The following ADAMTS12 variants were observed in gnomAD, a reference collection of about 807,000 sequenced individuals.
ADAMTS12 encodes ADAM metallopeptidase with thrombospondin type 1 motif 12.
A neutral mutation model predicts 167.8 loss-of-function variants in ADAMTS12; 118 were observed. The ratio of observed to expected loss-of-function variants is 0.70; its 90% CI spans 0.61 to 0.82. The LOEUF (loss-of-function observed/expected upper bound fraction) is 0.82, where lower values mean the gene tolerates loss of function less well. Among genes scored for constraint, ADAMTS12 ranks in the 40% least tolerant of loss-of-function variants. The pLI is 0.00. For synonymous variants in ADAMTS12, 704 were observed against 716.9 expected (o/e 0.98, Z 0.29); for missense variants, 1,916 against 1,998.8 (o/e 0.96, Z 0.79).
chr5:33,727,539 T>G (rs1414928016), intron 3 of ADAMTS12, among the ~76,000 whole-genome samples: 1 of 152,240 alleles, frequency 6.6e-6, no homozygotes, highest in Admixed American at 6.5e-5. Context: ...GGGCTTCAAC[T>G]GTTGTAAACA....
chr5:33,760,059 G>A (rs1315648063), intron 2 of ADAMTS12, among the ~76,000 whole-genome samples: 1 of 152,158 alleles, frequency 6.6e-6, no homozygotes, highest in East Asian at 1.9e-4. Context: ...TGAGACCCGG[G>A]AATCTGCACT....
chr5:33,593,124 A>G (rs1295453455), intron 17 of ADAMTS12, among the ~76,000 whole-genome samples: 2 of 152,148 alleles, frequency 1.3e-5, no homozygotes, highest in African/African-American at 4.8e-5. Flanking sequence ...TAAAAATACA[A>G]AAATTAGCCA....
At chr5:33,833,246 A>G (rs1198967449) in intron 2 of ADAMTS12, among the ~76,000 whole-genome samples, 1 of 152,186 alleles carries the variant, frequency 6.6e-6, no homozygotes, top group African/African-American at 2.4e-5. Context: ...GCATAACAGT[A>G]TTTGCTTTTT....
At chr5:33,843,446 G>A (rs905255268) in intron 2 of ADAMTS12, among the ~76,000 whole-genome samples, 6 of 152,184 alleles carry the variant, frequency 3.9e-5, no homozygotes, top group Non-Finnish European at 5.9e-5. Flanking sequence ...GTAGTGAGTA[G>A]CCAGCACAGA....
chr5:33,568,619 G>T (rs1428615932), intron 19 of ADAMTS12, among the ~76,000 whole-genome samples: 1 of 152,154 alleles, frequency 6.6e-6, no homozygotes, highest in African/African-American at 2.4e-5. Context: ...TACTCATCAG[G>T]ACCACGAAAA....
At chr5:33,703,545 ACCTCCCCATTTCTT>A (rs1230268734) in intron 3 of ADAMTS12, among the ~76,000 whole-genome samples, 1 of 151,556 alleles carries the variant, frequency 6.6e-6, no homozygotes, top group Non-Finnish European at 1.5e-5. Flanking sequence ...TTTGACTAAC[ACCTCCCCATTTCTT>A]CCTCCCCCCA....
chr5:33,763,577 G>T (rs1745430156), intron 2 of ADAMTS12, among the ~76,000 whole-genome samples: 2 of 152,214 alleles, frequency 1.3e-5, no homozygotes, highest in Admixed American at 6.5e-5. Context: ...ACCCTAGGGG[G>T]TGGTCATGGA....
chr5:33,886,364 A>C (rs1320637016), intron 1 of ADAMTS12, among the ~76,000 whole-genome samples: 1 of 152,204 alleles, frequency 6.6e-6, no homozygotes, highest in Non-Finnish European at 1.5e-5. Context: ...CAATACTCAC[A>C]ACAACCCTGT....
intron 3 of ADAMTS12, among the ~76,000 whole-genome samples, chr5:33,734,829 G>A (rs943381097): frequency 6.6e-6 from 1 of 152,180 alleles, no homozygotes; most frequent in African/African-American, 2.4e-5. Flanking sequence ...ATGTTCCAGA[G>A]CCTGGCTGAA....
Position 33,637,723 on chromosome 5 carries a change from C to A in ADAMTS12, c.1742G>T (p.Cys581Phe), listed in dbSNP as rs778996197. The change falls in exon 12 of 24, where the codon TGC (cysteine) becomes TTC (phenylalanine). Residue 581 changes from cysteine to phenylalanine, a missense_variant. Cys to Phe is a radical substitution (Grantham distance 205). Coordinates refer to ENST00000504830, the MANE Select transcript of ADAMTS12 (RefSeq NM_030955.4). ...GCGATAGCGTTTTCTTTCTCCAGTGCAATATTTCCCTCCAAACTTTGGCCT... is the reference window on the plus strand; with the variant it reads ...GCGATAGCGTTTTCTTTCTCCAGTGAAATATTTCCCTCCAAACTTTGGCCT... Reference protein sequence around the residue: ...NPEPKFGGKYCTGERKRYRLC... With the variant: ...NPEPKFGGKYFTGERKRYRLC... The A allele has an allele frequency of 6.2e-7, 1 of 1,613,180 alleles. No homozygotes were observed. The highest frequency in any genetic ancestry group is 1.1e-5 in the South Asian group (1 of 90,978).
intron 5 of ADAMTS12, among the ~76,000 whole-genome samples, chr5:33,666,497 C>A: frequency 8.4e-6 from 1 of 118,930 alleles, no homozygotes; most frequent in Admixed American, 1.0e-4. Context: ...CATACAGGGT[C>A]TTTTTTTTTC....
At chr5:33,649,114 C>A (rs559206415) in intron 8 of ADAMTS12, 148 bp from the exon 9 acceptor site, 2 of 888,634 alleles carry the variant, frequency 2.3e-6, no homozygotes, top group South Asian at 3.9e-5. Context: ...CTAGGCCCAT[C>A]ATGGGAGTTA....
chr5:33,573,381 G>A (rs1417796990), intron 19 of ADAMTS12, among the ~76,000 whole-genome samples: 3 of 152,210 alleles, frequency 2.0e-5, no homozygotes, highest in Middle Eastern at 6.8e-3. Flanking sequence ...AAAACAGCAT[G>A]GTACTGGTAC....
intron 2 of ADAMTS12, among the ~76,000 whole-genome samples, chr5:33,860,752 T>C (rs570415287): frequency 6.6e-6 from 1 of 152,124 alleles, no homozygotes; most frequent in African/African-American, 2.4e-5. Flanking sequence ...AATCTTCATT[T>C]TAACCTTAAT....
At chr5:33,826,545 A>T (rs1204720332) in intron 2 of ADAMTS12, among the ~76,000 whole-genome samples, 1 of 149,364 alleles carries the variant, frequency 6.7e-6, no homozygotes, top group East Asian at 2.0e-4. Context: ...AGTCTGTTTG[A>T]AAACAGAAAT....
chr5:33,685,010 G>C lies in ADAMTS12; in HGVS notation c.635-955C>G, dbSNP rs150028413. On this transcript the variant is annotated intron_variant, in intron 3 of 23. Transcript: ENST00000504830. ...GTTCCAGTGGGCTCAGAATGGCTTAGGGAGCCGAGGAAGACAGGTTGACCA... is the reference window on the plus strand; with the variant it reads ...GTTCCAGTGGGCTCAGAATGGCTTACGGAGCCGAGGAAGACAGGTTGACCA... Among the ~76,000 whole-genome samples, 240 of 152,318 alleles carry C rather than the reference G, an allele frequency of 1.6e-3. 2 individuals carry two copies. Among genetic ancestry groups the C allele is most frequent in the African/African-American group, 5.6e-3 (232 of 41,576 alleles).
intron 16 of ADAMTS12, among the ~76,000 whole-genome samples, chr5:33,596,686 A>G (rs1737902461): frequency 6.6e-6 from 1 of 152,214 alleles, no homozygotes; most frequent in East Asian, 1.9e-4. Context: ...TGTCTCCAAA[A>G]TACTACTGCT....
intron 2 of ADAMTS12, among the ~76,000 whole-genome samples, chr5:33,764,319 A>G (rs1050596616): frequency 6.6e-6 from 1 of 152,200 alleles, no homozygotes; most frequent in African/African-American, 2.4e-5. Context: ...CTATATCTGA[A>G]TATGTCTAAT....
intron 2 of ADAMTS12, among the ~76,000 whole-genome samples, chr5:33,800,614 C>G (rs1339549903): frequency 2.9e-5 from 4 of 136,998 alleles, no homozygotes; most frequent in Non-Finnish European, 1.6e-5. Flanking sequence ...TGTCAGATTT[C>G]TTAATCAATT....
Sources: allele counts gnomAD v4.1 joint callset (sites outside exome capture counted in the v4.1 genomes callset), GRCh38; gene constraint gnomAD v4.1.1; transcripts MANE v1.5; gene names NCBI Gene and HGNC (gene_info 2026-07-23, HGNC 2026-07-21).